The following UBL7 variants were observed in gnomAD, a reference collection of about 807,000 sequenced individuals.
UBL7 encodes ubiquitin-like protein 7.
UBL7 carries 21 observed loss-of-function variants against 41.7 expected under a neutral mutation model. The observed-to-expected ratio is 0.50, with a 90% CI of 0.36 to 0.73. The LOEUF (loss-of-function observed/expected upper bound fraction) is 0.73, where lower values mean the gene tolerates loss of function less well. Among genes scored for constraint, UBL7 ranks in the 30% least tolerant of loss-of-function variants. The pLI, the probability that UBL7 is intolerant of heterozygous loss-of-function variation, is 0.00. For synonymous variants in UBL7, 157 were observed against 186.9 expected (o/e 0.84, Z 1.31); for missense variants, 403 against 478.4 (o/e 0.84, Z 1.47).
At chr15:74,450,435 G>C (rs1357352175) in intron 6 of UBL7, among the ~76,000 whole-genome samples, 1 of 152,080 alleles carries the variant, frequency 6.6e-6, no homozygotes, top group African/African-American at 2.4e-5. Context: ...CCCAGGGTGG[G>C]GCTGTTTTCT....
At position 74,449,907 on chromosome 15, in the gene UBL7, G is replaced by A. The variant is rs373559537; in HGVS notation, c.664+29C>T. The A allele has an allele frequency of 1.6e-5, 25 of 1,597,536 alleles. No individual in the cohort carries two copies. The African/African-American group carries it at 2.7e-4, about 17-fold the overall frequency. On this transcript the variant is annotated intron_variant, in intron 7 of 10. Coordinates refer to ENST00000395081, the MANE Select transcript of UBL7 (RefSeq NM_032907.5). ...CCTGGGCCACTGCCGGCTCCTGAGGGGCCCACATTACACTTTTCAGGCGCT... is the reference window on the plus strand; with the variant it reads ...CCTGGGCCACTGCCGGCTCCTGAGGAGCCCACATTACACTTTTCAGGCGCT...
chr15:74,461,161 G>C, upstream of UBL7: 1 of 989,840 alleles, frequency 1.0e-6, no homozygotes, highest in Non-Finnish European at 1.2e-6. Context: ...CACTCACTCT[G>C]GCCCTCTCGC....
Position 74,448,559 on chromosome 15 carries a change from C to T in UBL7, c.924G>A (p.Gln308=), listed in dbSNP as rs1343987672. The T allele has an allele frequency of 1.2e-6, 2 of 1,614,142 alleles. No homozygotes were observed. The highest frequency in any genetic ancestry group is 1.7e-6 in the Non-Finnish European group (2 of 1,179,992). ...SGTSPMSSGV[Q]SGTPITNDLF... Reference sequence around the variant, plus strand: ...GATCATTGGTGATGGGCGTCCCTGACTGGACACCAGAGGACATTGGTGAGG... The same window carrying T: ...GATCATTGGTGATGGGCGTCCCTGATTGGACACCAGAGGACATTGGTGAGG... The change falls in exon 10 of 11, where the codon CAG becomes CAA. Residue 308 remains glutamine, a synonymous_variant. Transcript: ENST00000395081.
In UBL7 at chr15:74,450,041, T is replaced by C. The variant is rs2061228293; in HGVS notation, c.559A>G (p.Asn187Asp). ...TLVPAHPALVNAIVLVLHSVA... is the reference protein window; with the variant it reads ...TLVPAHPALVDAIVLVLHSVA... ...GAGTGCAGAACCAGGACAATGGCAT[T>C]GACGAGGGCTGGGTGAGCAGGCACC... Residue 187 changes from asparagine (N) to aspartate (D), a missense_variant, in exon 7 of 11, where the codon AAT (asparagine) becomes GAT (aspartate). Coordinates refer to ENST00000395081, the MANE Select transcript of UBL7 (RefSeq NM_032907.5). 6.2e-7 allele frequency: 1 copy of C among 1,613,626 alleles called. No individual in the cohort carries two copies. The highest frequency in any genetic ancestry group is 2.2e-5 in the East Asian group (1 of 44,872).
chr15:74,446,207 C>T lies in UBL7; in HGVS notation c.1026G>A (p.Leu342=), dbSNP rs764595701. ...PSLQSQWQPQ[L]QQLRDMGIQD... is the part of the protein sequence containing the mutation. ...GGATGCCCATGTCACGTAGCTGCTG[C>T]AGCTGGGGCTGCCACTGGCTCTGTG... The change falls in exon 11 of 11, where the codon CTG becomes CTA. Residue 342 remains leucine, a synonymous_variant. Coordinates refer to ENST00000395081, the MANE Select transcript of UBL7 (RefSeq NM_032907.5). This position sits in a 1 kb window ranked among gnomAD's most constrained non-coding sequence, Gnocchi z 4.1. 5 of 1,613,758 alleles carry T rather than the reference C, an allele frequency of 3.1e-6. No homozygotes were observed. In the Admixed American group the frequency reaches 6.7e-5, roughly 22 times the overall value.
chr15:74,459,081 T>C (rs2061321949), intron 1 of UBL7, 185 bp from the exon 2 acceptor site: 2 of 573,890 alleles, frequency 3.5e-6, no homozygotes, highest in South Asian at 4.4e-5. Flanking sequence ...TGGACAGCTC[T>C]CTAGGCCTCA....
At position 74,458,731 on chromosome 15, in the gene UBL7, A is replaced by T. The variant is rs1368941165; in HGVS notation, c.137T>A (p.Leu46His). The change falls in exon 2 of 11, where the codon CTT becomes CAT. Residue 46 changes from leucine (L) to histidine (H), a missense_variant. Physicochemically the swap from Leu to His is moderately conservative, Grantham distance 99. Transcript: ENST00000395081. ...GGYSISFLKQ[L>H]IAGKLQESVP... is the part of the protein sequence containing the mutation. ...AGACTCCTGGAGTTTGCCAGCAATA[A>T]GCTGCTTCAGAAATGAAATACTATA... The T allele has an allele frequency of 6.2e-7, 1 of 1,614,000 alleles. No individual in the cohort carries two copies. The highest frequency in any genetic ancestry group is 2.2e-5 in the East Asian group (1 of 44,896).
rs2061299351 is a variant in UBL7, at chr15:74,456,799, T to C, written c.185-128A>G. On this transcript the variant is annotated intron_variant, in intron 2 of 10. Coordinates refer to ENST00000395081, the MANE Select transcript of UBL7 (RefSeq NM_032907.5). ...TGTTTTAAAAGATACTCTTATTCAA[T>C]AACTTAACAAATACTTTTTTTTTTT... 3 of 1,164,084 alleles carry C rather than the reference T, an allele frequency of 2.6e-6. No homozygotes were observed. The East Asian group carries it at 7.4e-5, about 29-fold the overall frequency. The allele number at this position is 1,164,084 out of a possible 1,614,324, so 72.1% of individuals were successfully genotyped here.
At chr15:74,449,113 C>A in intron 9 of UBL7, 73 bp downstream of exon 9, 1 of 1,485,456 alleles carries the variant, frequency 6.7e-7, no homozygotes, top group African/African-American at 1.4e-5. Context: ...TCAGCAAAGG[C>A]AAATCTACTC....
At chr15:74,455,085 G>A (rs2061282496) in intron 3 of UBL7, among the ~76,000 whole-genome samples, 1 of 152,176 alleles carries the variant, frequency 6.6e-6, no homozygotes, top group Admixed American at 6.5e-5. Flanking sequence ...TCCAGGGCCT[G>A]GCTGTGAGTG....
rs759445327 is a variant in UBL7 at position 74,458,702 on chromosome 15, G to C, written c.166C>G (p.Pro56Ala). The C allele has an allele frequency of 1.2e-6, 2 of 1,613,960 alleles. No individual in the cohort carries two copies. The highest frequency in any genetic ancestry group is 1.1e-5 in the South Asian group (1 of 91,076). The change falls in exon 2 of 11, where the codon CCA becomes GCA. Residue 56 changes from proline (P) to alanine (A), a missense_variant. Transcript: ENST00000395081. ...LIAGKLQESVPDPELIDLIYC... is the reference protein window; with the variant it reads ...LIAGKLQESVADPELIDLIYC... ...GACTCACCAATCAGCTCAGGGTCTGGAACAGACTCCTGGAGTTTGCCAGCA... is the reference window on the plus strand; with the variant it reads ...GACTCACCAATCAGCTCAGGGTCTGCAACAGACTCCTGGAGTTTGCCAGCA...
chr15:74,455,050 A>G (rs1488684473), intron 3 of UBL7, among the ~76,000 whole-genome samples: 1 of 152,188 alleles, frequency 6.6e-6, no homozygotes, highest in Non-Finnish European at 1.5e-5. Flanking sequence ...GGATCTGTAC[A>G]ATTGTTCATG....
intron 3 of UBL7, among the ~76,000 whole-genome samples, chr15:74,454,018 T>C (rs1567090461): frequency 6.6e-6 from 1 of 152,218 alleles, no homozygotes; most frequent in Non-Finnish European, 1.5e-5. Context: ...GCTAAATTCA[T>C]CCTTTAGAAG....
intron 3 of UBL7, among the ~76,000 whole-genome samples, chr15:74,452,704 T>C (rs2141318853): frequency 6.6e-6 from 1 of 152,218 alleles, no homozygotes; most frequent in Non-Finnish European, 1.5e-5. Context: ...CTAATAACAT[T>C]TGTTTTTTGG....
In UBL7 at chr15:74,458,741, G is replaced by T; in HGVS notation, c.127C>A (p.Leu43Met). 6.2e-7 allele frequency: 1 copy of T among 1,614,100 alleles called. No individual in the cohort carries two copies. Among genetic ancestry groups the T allele is most frequent in the Non-Finnish European group, 8.5e-7 (1 of 1,180,044 alleles). The change falls in exon 2 of 11, where the codon CTG (leucine) becomes ATG (methionine). Residue 43 changes from leucine to methionine, a missense_variant. By Grantham distance (15) the Leu-to-Met change is conservative (BLOSUM62 2). Transcript: ENST00000395081. ...YSLGGYSISFLKQLIAGKLQE... is the reference protein window; with the variant it reads ...YSLGGYSISFMKQLIAGKLQE... ...AGTTTGCCAGCAATAAGCTGCTTCA[G>T]AAATGAAATACTATAGCCCCCTAGC...
At chr15:74,452,469 C>A in intron 3 of UBL7, 91 bp from the exon 4 acceptor site, 1 of 1,319,262 alleles carries the variant, frequency 7.6e-7, no homozygotes, top group Non-Finnish European at 1.1e-6. Flanking sequence ...TGCCAAGGAG[C>A]AGCCTGGTCT....
At chr15:74,449,115 A>C (rs550142861) in intron 9 of UBL7, 71 bp downstream of exon 9, 1 of 1,487,958 alleles carries the variant, frequency 6.7e-7, no homozygotes, top group Admixed American at 2.4e-5. Context: ...AGCAAAGGCA[A>C]ATCTACTCTA....
intron 3 of UBL7, among the ~76,000 whole-genome samples, chr15:74,455,076 C>G (rs1452974987): frequency 1.3e-5 from 2 of 152,184 alleles, no homozygotes; most frequent in East Asian, 3.8e-4. Context: ...CAAAAGGATT[C>G]CAGGGCCTGG....
At position 74,458,841 on chromosome 15, in the gene UBL7, C is replaced by T. The variant is rs762769952; in HGVS notation, c.27G>A (p.Ala9=). 3.7e-6 allele frequency: 6 copies of T among 1,612,362 alleles called. No individual in the cohort carries two copies. Among genetic ancestry groups the T allele is most frequent in the Admixed American group, 1.7e-5 (1 of 60,024 alleles). MSLSDWHL[A]VKLADQPLTP... is the part of the protein sequence containing the mutation. ...TAAGTGGCTGGTCAGCCAGCTTCAC[C>T]GCCAGGTGCCAGTCTGAGAGAGACA... Residue 9 remains alanine (A), a synonymous_variant, in exon 2 of 11, where the codon GCG becomes GCA. Coordinates refer to ENST00000395081, the MANE Select transcript of UBL7 (RefSeq NM_032907.5).
Sources: gnomAD v4.1 joint callset for allele counts (sites outside exome capture counted in the v4.1 genomes callset) on GRCh38, gnomAD v4.1.1 for gene constraint, Gnocchi (gnomAD v3.1) non-coding constraint, MANE v1.5 for transcripts, NCBI Gene and HGNC (gene_info 2026-07-23, HGNC 2026-07-21) for gene names.